RPH3A: variants seen among roughly 807,000 people sequenced by gnomAD.
RPH3A encodes the protein rabphilin 3A.
Under a neutral mutation model 102.2 loss-of-function variants are expected in RPH3A, and 48 were observed. The observed-to-expected ratio is 0.47, with a 90% CI of 0.37 to 0.60. RPH3A has a LOEUF of 0.60. Among genes scored for constraint, RPH3A ranks in the 20% least tolerant of loss-of-function variants. The pLI, the probability that RPH3A is intolerant of heterozygous loss-of-function variation, is 0.00. For synonymous variants in RPH3A, 310 were observed against 324.3 expected, an observed-to-expected ratio of 0.96 and a Z score of 0.47; for missense variants, 781 against 910.1, an observed-to-expected ratio of 0.86 and a Z score of 1.83.
chr12:112,647,387 G>T (rs1384504026), intron 1 of RPH3A, among the ~76,000 whole-genome samples: 21 of 152,100 alleles, frequency 1.4e-4, no homozygotes, highest in Admixed American at 1.4e-3. Flanking sequence ...TCCTAAGATG[G>T]TTATATTTTG....
intron 1 of RPH3A, among the ~76,000 whole-genome samples, chr12:112,611,818 C>T (rs1022034113): frequency 3.0e-4 from 45 of 150,986 alleles, no homozygotes; most frequent in African/African-American, 1.1e-3. Context: ...TAGCATTGTC[C>T]TAGCCAGCAA....
chr12:112,640,070 C>T (rs945509278), intron 1 of RPH3A, among the ~76,000 whole-genome samples: 2 of 150,296 alleles, frequency 1.3e-5, no homozygotes, highest in Non-Finnish European at 3.0e-5. Context: ...CCTGTAATCT[C>T]ATCACTTTGG....
intron 17 of RPH3A, 134 bp from the exon 18 acceptor site, chr12:112,889,890 G>A (rs561318126): frequency 1.3e-6 from 1 of 748,296 alleles, no homozygotes; most frequent in African/African-American, 1.7e-5. Context: ...GAATGCAGGA[G>A]AGCCACAGTA....
At chr12:112,674,845 T>C (rs232928) in intron 1 of RPH3A, among the ~76,000 whole-genome samples, 69,788 of 151,858 alleles carry the variant, frequency 0.46, 18,717 homozygotes, top group Non-Finnish European at 0.59. Context: ...TAAGCAGGGG[T>C]TTATTTGGGG....
intron 1 of RPH3A, among the ~76,000 whole-genome samples, chr12:112,767,080 C>T (rs776831154): frequency 4.6e-5 from 7 of 152,142 alleles, no homozygotes; most frequent in South Asian, 2.1e-4. Context: ...TACCCAGTGC[C>T]GTGCCAGGCT....
At chr12:112,714,320 C>T (rs1049785080) in intron 1 of RPH3A, among the ~76,000 whole-genome samples, 19 of 152,000 alleles carry the variant, frequency 1.3e-4, no homozygotes, top group Non-Finnish European at 2.5e-4. Flanking sequence ...ATTCATGAGG[C>T]GAGGAGCTGA....
intron 1 of RPH3A, among the ~76,000 whole-genome samples, chr12:112,736,282 G>C (rs2040668873): frequency 6.6e-6 from 1 of 152,170 alleles, no homozygotes; most frequent in East Asian, 1.9e-4. Flanking sequence ...ATGTCCCTGA[G>C]GGACAAAACC....
chr12:112,619,740 A>C (rs1445028436), intron 1 of RPH3A, among the ~76,000 whole-genome samples: 1 of 152,004 alleles, frequency 6.6e-6, no homozygotes, highest in Non-Finnish European at 1.5e-5. Context: ...CATCCTAGTG[A>C]GTATGAAGTC....
At chr12:112,688,037 C>A (rs2040279714) in intron 1 of RPH3A, among the ~76,000 whole-genome samples, 1 of 152,202 alleles carries the variant, frequency 6.6e-6, no homozygotes, top group Non-Finnish European at 1.5e-5. Context: ...AGTGTCATTT[C>A]TGATCACCTT....
intron 3 of RPH3A, among the ~76,000 whole-genome samples, chr12:112,835,103 A>G (rs536988016): frequency 1.7e-3 from 264 of 152,234 alleles, no homozygotes; most frequent in Non-Finnish European, 2.6e-3. Flanking sequence ...GTCCACCCAT[A>G]TACTCCACAG....
At chr12:112,592,070 T>C (rs952114642) in intron 1 of RPH3A, among the ~76,000 whole-genome samples, 4 of 152,188 alleles carry the variant, frequency 2.6e-5, no homozygotes, top group Non-Finnish European at 5.9e-5. Context: ...AAATGCTATG[T>C]AAATAGTTGT....
intron 13 of RPH3A, among the ~76,000 whole-genome samples, chr12:112,877,264 C>T (rs2042818792): frequency 6.6e-6 from 1 of 152,122 alleles, no homozygotes; most frequent in Non-Finnish European, 1.5e-5. Context: ...TTTTAAAACT[C>T]TTTAATGTAT....
intron 1 of RPH3A, among the ~76,000 whole-genome samples, chr12:112,763,478 G>A (rs185958100): frequency 3.5e-4 from 54 of 152,346 alleles, no homozygotes; most frequent in Admixed American, 3.3e-4. Context: ...GGGACAATTT[G>A]AAGTGAGGGC....
intron 1 of RPH3A, among the ~76,000 whole-genome samples, chr12:112,599,483 C>T (rs150027775): frequency 6.6e-6 from 1 of 152,232 alleles, no homozygotes; most frequent in East Asian, 1.9e-4. Context: ...AGGTGAGAAC[C>T]TCTACTGTCA....
At chr12:112,830,288 A>G (rs969840664) in intron 3 of RPH3A, among the ~76,000 whole-genome samples, 12 of 152,264 alleles carry the variant, frequency 7.9e-5, no homozygotes, top group African/African-American at 1.4e-4. Context: ...CTTTACCCCA[A>G]GAGTGATTTG....
intron 1 of RPH3A, among the ~76,000 whole-genome samples, chr12:112,587,608 TACA>T (rs2039448247): frequency 1.3e-5 from 2 of 152,352 alleles, no homozygotes; most frequent in South Asian, 4.1e-4. Context: ...CAGGTTTTTG[TACA>T]ACATCACAGC....
chr12:112,708,199 A>G (rs2040437647), intron 1 of RPH3A, among the ~76,000 whole-genome samples: 1 of 152,242 alleles, frequency 6.6e-6, no homozygotes, highest in East Asian at 1.9e-4. Flanking sequence ...ATAAGTAGCT[A>G]CAGGGAAGTA....
At chr12:112,869,605 G>C (rs2042670817) in intron 8 of RPH3A, 154 bp from the exon 9 acceptor site, 1 of 702,732 alleles carries the variant, frequency 1.4e-6, no homozygotes, top group Non-Finnish European at 2.4e-6. Context: ...GTAAACAGGA[G>C]CTAGATCAAA....
intron 1 of RPH3A, among the ~76,000 whole-genome samples, chr12:112,777,605 G>T (rs1330898455): frequency 6.6e-6 from 1 of 152,212 alleles, no homozygotes; most frequent in Non-Finnish European, 1.5e-5. Context: ...CCTGACATGA[G>T]ACAGGACCTC....
Sources: gnomAD v4.1 joint callset for allele counts (sites outside exome capture counted in the v4.1 genomes callset) on GRCh38, gnomAD v4.1.1 for gene constraint, MANE v1.5 for transcripts, NCBI Gene and HGNC (gene_info 2026-07-23, HGNC 2026-07-21) for gene names.